Variants in ST3GAL1 observed in about 807,000 individuals in gnomAD.
The protein encoded by ST3GAL1 is ST3 beta-galactoside alpha-2,3-sialyltransferase 1, also known as CMP-N-acetylneuraminate-beta-galactosamide-alpha-2,3-sialyltransferase 1.
In ST3GAL1, 16 loss-of-function variants were observed where a neutral mutation model predicts 34.1. The observed-to-expected ratio is 0.47, with a 90% CI of 0.32 to 0.71. The LOEUF (loss-of-function observed/expected upper bound fraction) is 0.71, where lower values mean the gene tolerates loss of function less well. Ranked by LOEUF, ST3GAL1 falls within the 30% of genes least tolerant of loss-of-function variation. The pLI, the probability that ST3GAL1 is intolerant of heterozygous loss-of-function variation, is 0.04. For synonymous variants in ST3GAL1, 191 were observed against 184.7 expected, an observed-to-expected ratio of 1.03 and a Z score of -0.28; for missense variants, 353 against 447.4, an observed-to-expected ratio of 0.79 and a Z score of 1.90.
intron 2 of ST3GAL1, among the ~76,000 whole-genome samples, chr8:133,499,598 T>C (rs998062640): frequency 3.9e-5 from 6 of 151,976 alleles, no homozygotes; most frequent in Non-Finnish European, 7.4e-5. Flanking sequence ...AGGATGAGGA[T>C]GGGTGGGGTA....
At chr8:133,550,242 C>T (rs16904944) in intron 1 of ST3GAL1, among the ~76,000 whole-genome samples, 29,585 of 152,166 alleles carry the variant, frequency 0.19, 2,994 homozygotes, top group South Asian at 0.32. Context: ...TGTCATGCCT[C>T]TTTCTATATT....
chr8:133,497,215 G>A (rs550703603), intron 3 of ST3GAL1, among the ~76,000 whole-genome samples: 2 of 152,296 alleles, frequency 1.3e-5, no homozygotes, highest in African/African-American at 4.8e-5. Flanking sequence ...CTATTTCTGT[G>A]GTTTTTGAAT....
chr8:133,516,828 T>A (rs552140884), intron 2 of ST3GAL1, among the ~76,000 whole-genome samples: 2 of 152,260 alleles, frequency 1.3e-5, no homozygotes, highest in African/African-American at 4.8e-5. Context: ...CATCCCTCAC[T>A]GATTATGAGA....
rs922578524 is a variant in ST3GAL1, at chr8:133,458,044, G to A, written c.*1720C>T. ...ACACCCAGCAGCAATAAGGTTTCAC[G>A]GAGTTTTGGAGACTCCTAGCCTGAG... is the stretch of plus-strand genomic sequence containing the variant. On this transcript the variant is annotated 3_prime_UTR_variant, in exon 10 of 10. Transcript: ENST00000522652. The A allele has an allele frequency of 3.3e-5, 5 of 152,222 alleles. No homozygotes were observed. Among genetic ancestry groups the A allele is most frequent in the African/African-American group, 7.2e-5 (3 of 41,440 alleles). 9.4% of individuals were successfully genotyped at this position (152,222 alleles called of 1,614,324 possible). A position where few individuals can be genotyped will look rare whatever the true frequency, so the allele number is the denominator to read the frequency against.
At chr8:133,504,845 T>G (rs1817286837) in intron 2 of ST3GAL1, among the ~76,000 whole-genome samples, 1 of 152,158 alleles carries the variant, frequency 6.6e-6, no homozygotes, top group African/African-American at 2.4e-5. Flanking sequence ...GGTAAAGTTT[T>G]GAAAAGGAGT....
chr8:133,459,752 C>T lies in ST3GAL1; in HGVS notation c.*12G>A, dbSNP rs756327019. On this transcript the variant is annotated 3_prime_UTR_variant, in exon 10 of 10. Transcript: ENST00000522652. This position sits in a 1 kb window ranked among gnomAD's most constrained non-coding sequence, Gnocchi z 4.7. Reference sequence around the variant, plus strand: ...GGTGTGACAGTGCGTCCATCCTCAGCCCTTCACTGCGTCATCTCCCCTTGA... The same window carrying T: ...GGTGTGACAGTGCGTCCATCCTCAGTCCTTCACTGCGTCATCTCCCCTTGA... The T allele has an allele frequency of 2.5e-6, 4 of 1,604,814 alleles. No homozygotes were observed. The South Asian group carries it at 3.3e-5, about 13-fold the overall frequency.
chr8:133,534,546 T>C (rs1818251472), intron 2 of ST3GAL1, among the ~76,000 whole-genome samples: 1 of 152,186 alleles, frequency 6.6e-6, no homozygotes, highest in Admixed American at 6.5e-5. Context: ...CAGACAGGGC[T>C]GCAAACAGCA....
Position 133,570,932 on chromosome 8 carries a change from C to G in ST3GAL1, c.-582+761G>C, listed in dbSNP as rs538219657. On this transcript the variant is annotated intron_variant, in intron 1 of 9. Transcript: ENST00000522652. This position sits in a 1 kb window ranked among gnomAD's most constrained non-coding sequence, Gnocchi z 5.6. ...GCTGCGACGCCTCACGGGGTTGGGG[C>G]GGATTCAGAGTTTCGAGTTGCCACT... 3.3e-5 allele frequency among the ~76,000 whole-genome samples: 5 copies of G among 152,176 alleles called. No homozygotes were observed. Among genetic ancestry groups the G allele is most frequent in the African/African-American group, 1.2e-4 (5 of 41,446 alleles).
intron 2 of ST3GAL1, among the ~76,000 whole-genome samples, chr8:133,530,344 C>T (rs747405468): frequency 6.6e-6 from 1 of 151,358 alleles, no homozygotes; most frequent in Non-Finnish European, 1.5e-5. Context: ...TGCAATGACA[C>T]CATCTCGGCT....
At chr8:133,550,584 C>A (rs1379611741) in intron 1 of ST3GAL1, among the ~76,000 whole-genome samples, 2 of 152,156 alleles carry the variant, frequency 1.3e-5, no homozygotes, top group Non-Finnish European at 2.9e-5. Flanking sequence ...GCCCATTCAT[C>A]CCTTTCATTT....
chr8:133,478,128 A>T (rs572388269), intron 3 of ST3GAL1, among the ~76,000 whole-genome samples: 1 of 152,304 alleles, frequency 6.6e-6, no homozygotes, highest in African/African-American at 2.4e-5. Flanking sequence ...TTTTGTTTAT[A>T]ACCTAGTGGT....
chr8:133,479,275 C>T (rs559202299), intron 3 of ST3GAL1, among the ~76,000 whole-genome samples: 2 of 152,062 alleles, frequency 1.3e-5, no homozygotes, highest in African/African-American at 4.8e-5. Context: ...GGCCCCAGAC[C>T]CTGTGGAGCA....
chr8:133,483,018 C>CA (rs1816455414), intron 3 of ST3GAL1, among the ~76,000 whole-genome samples: 1 of 152,236 alleles, frequency 6.6e-6, no homozygotes. Flanking sequence ...CTCTGATCCT[C>CA]AATTCCTGAA....
intron 5 of ST3GAL1, among the ~76,000 whole-genome samples, chr8:133,474,735 C>T (rs1816101790): frequency 6.6e-6 from 1 of 152,162 alleles, no homozygotes; most frequent in African/African-American, 2.4e-5. Flanking sequence ...CTCATGGCTG[C>T]TGCCTTCTCT....
At chr8:133,544,391 T>A (rs993156677) in intron 2 of ST3GAL1, among the ~76,000 whole-genome samples, 2 of 152,246 alleles carry the variant, frequency 1.3e-5, no homozygotes. Flanking sequence ...AGCACAATTC[T>A]GAGATGTGGT....
At chr8:133,515,426 A>T (rs993904947) in intron 2 of ST3GAL1, 2 of 152,164 alleles carry the variant, frequency 1.3e-5, no homozygotes, top group Non-Finnish European at 2.9e-5. Context: ...ATCTCTCATG[A>T]ACGGCTTGAT....
chr8:133,530,131 T>C (rs1271550384), intron 2 of ST3GAL1, among the ~76,000 whole-genome samples: 4 of 152,126 alleles, frequency 2.6e-5, no homozygotes, highest in Non-Finnish European at 1.5e-5. Context: ...ATTGAATTAA[T>C]GAATAAACTA....
At chr8:133,551,586 GAAAGAA>G in intron 1 of ST3GAL1, among the ~76,000 whole-genome samples, 1 of 149,884 alleles carries the variant, frequency 6.7e-6, no homozygotes, top group African/African-American at 2.5e-5. Flanking sequence ...AAGAAAGAAA[GAAAGAA>G]AGAAAGAAAG....
At chr8:133,552,902 A>G (rs188049468) in intron 1 of ST3GAL1, among the ~76,000 whole-genome samples, 1 of 152,320 alleles carries the variant, frequency 6.6e-6, no homozygotes, top group East Asian at 1.9e-4. Context: ...CCAGCTTCAC[A>G]GCAGTCCTCT....
Sources: allele counts gnomAD v4.1 joint callset (sites outside exome capture counted in the v4.1 genomes callset), GRCh38; gene constraint gnomAD v4.1.1; non-coding constraint Gnocchi (gnomAD v3.1); transcripts MANE v1.5; gene names NCBI Gene and HGNC (gene_info 2026-07-23, HGNC 2026-07-21).